The following ADCY8 variants were observed in gnomAD, a reference collection of about 807,000 sequenced individuals.
ADCY8 encodes the protein adenylate cyclase type 8.
ADCY8 carries 51 observed loss-of-function variants against 119.7 expected under a neutral mutation model. The observed-to-expected ratio is 0.43, with a 90% CI of 0.34 to 0.54. ADCY8 has a LOEUF of 0.54. Ranked by LOEUF, ADCY8 falls within the 20% of genes least tolerant of loss-of-function variation. ADCY8 has a pLI of 0.03. For synonymous variants in ADCY8, 665 were observed against 651.0 expected (o/e 1.02, Z -0.33); for missense variants, 1,383 against 1,598.8 (o/e 0.87, Z 2.30).
chr8:130,835,381 G>C (rs958589015), intron 12 of ADCY8, among the ~76,000 whole-genome samples: 4 of 152,184 alleles, frequency 2.6e-5, no homozygotes, highest in Non-Finnish European at 5.9e-5. Flanking sequence ...CCTGCCCAGA[G>C]GCATTTCAAA....
At chr8:130,974,087 T>G (rs1822001277) in intron 2 of ADCY8, among the ~76,000 whole-genome samples, 1 of 152,254 alleles carries the variant, frequency 6.6e-6, no homozygotes, top group Non-Finnish European at 1.5e-5. Flanking sequence ...TCTCTCTGTC[T>G]GTAGAGTAGA....
intron 2 of ADCY8, among the ~76,000 whole-genome samples, chr8:130,965,769 C>T (rs186467424): frequency 6.6e-6 from 1 of 152,102 alleles, no homozygotes; most frequent in African/African-American, 2.4e-5. Flanking sequence ...ATAAATTTAT[C>T]ATTTTATGTT....
At chr8:130,844,164 C>T (rs1817228952) in intron 11 of ADCY8, among the ~76,000 whole-genome samples, 1 of 152,116 alleles carries the variant, frequency 6.6e-6, no homozygotes, top group African/African-American at 2.4e-5. Context: ...GGGCGTAATT[C>T]TAAAGTGAGG....
At chr8:131,019,797 T>TC (rs1823595357) in intron 1 of ADCY8, among the ~76,000 whole-genome samples, 1 of 104,910 alleles carries the variant, frequency 9.5e-6, no homozygotes, top group African/African-American at 3.8e-5. Context: ...ATGGAACAAA[T>TC]TCTCTCTCTC....
At chr8:130,820,819 AG>A in intron 13 of ADCY8, among the ~76,000 whole-genome samples, 1 of 152,364 alleles carries the variant, frequency 6.6e-6, no homozygotes, top group African/African-American at 2.4e-5. Context: ...AATGCAAGTC[AG>A]TGCACAAAAT....
At chr8:130,918,642 A>T (rs1820202619) in intron 5 of ADCY8, among the ~76,000 whole-genome samples, 1 of 152,236 alleles carries the variant, frequency 6.6e-6, no homozygotes, top group African/African-American at 2.4e-5. Context: ...TCAACTTAGA[A>T]CTGTTTGAGG....
At chr8:130,906,178 T>C (rs1250717303) in intron 6 of ADCY8, among the ~76,000 whole-genome samples, 2 of 152,238 alleles carry the variant, frequency 1.3e-5, no homozygotes, top group Non-Finnish European at 2.9e-5. Flanking sequence ...ATTTTGTTAA[T>C]ACATATGAAC....
chr8:131,035,648 G>A (rs549788643), intron 1 of ADCY8, among the ~76,000 whole-genome samples: 10 of 152,222 alleles, frequency 6.6e-5, no homozygotes, highest in South Asian at 2.1e-4. Flanking sequence ...GGTAGAAAGA[G>A]GGAAAGCAGA....
intron 4 of ADCY8, among the ~76,000 whole-genome samples, chr8:130,942,899 T>A (rs1159855778): frequency 6.6e-6 from 1 of 152,092 alleles, no homozygotes; most frequent in Non-Finnish European, 1.5e-5. Context: ...AGCTCTTAAG[T>A]TAGGTTGATC....
chr8:130,790,234 A>G (rs1815383295), intron 15 of ADCY8, among the ~76,000 whole-genome samples: 1 of 152,196 alleles, frequency 6.6e-6, no homozygotes, highest in Non-Finnish European at 1.5e-5. Flanking sequence ...AGCACTGAAT[A>G]AGCCATGGCA....
At position 130,800,348 on chromosome 8, in the gene ADCY8, T is replaced by A; in HGVS notation, c.3060+78A>T. On this transcript the variant is annotated intron_variant, in intron 15 of 17. Coordinates refer to ENST00000286355, the MANE Select transcript of ADCY8 (RefSeq NM_001115.3). ...GTTAAGTGCAAAAAAAAAAAATAAG[T>A]AATTCCTACAATGAATAACACAACG... 2.4e-5 allele frequency: 35 copies of A among 1,430,424 alleles called. No homozygotes were observed. The Middle Eastern group carries it at 5.9e-4, about 24-fold the overall frequency. The allele number at this position is 1,430,424 out of a possible 1,614,324, so 88.6% of individuals were successfully genotyped here. A position where few individuals can be genotyped will look rare whatever the true frequency, so the allele number is the denominator to read the frequency against.
chr8:131,032,564 G>C (rs909475847), intron 1 of ADCY8, among the ~76,000 whole-genome samples: 1 of 151,962 alleles, frequency 6.6e-6, no homozygotes, highest in African/African-American at 2.4e-5. Flanking sequence ...CTGGTAGGTG[G>C]CTTTTATGCC....
intron 2 of ADCY8, among the ~76,000 whole-genome samples, chr8:130,964,425 G>C (rs1293530357): frequency 6.6e-6 from 1 of 152,178 alleles, no homozygotes; most frequent in Non-Finnish European, 1.5e-5. Context: ...TCATCTGTTA[G>C]TGTATTTATG....
chr8:130,838,005 A>G (rs948135933), intron 11 of ADCY8, among the ~76,000 whole-genome samples: 2 of 152,234 alleles, frequency 1.3e-5, no homozygotes, highest in African/African-American at 4.8e-5. Context: ...CTTGTTATAC[A>G]TGGCTGTTTG....
At chr8:130,968,711 T>C (rs1821837986) in intron 2 of ADCY8, among the ~76,000 whole-genome samples, 1 of 152,214 alleles carries the variant, frequency 6.6e-6, no homozygotes, top group South Asian at 2.1e-4. Flanking sequence ...TAGTCTGATA[T>C]AGCAACAATT....
At chr8:130,885,170 C>T (rs139139752) in intron 7 of ADCY8, among the ~76,000 whole-genome samples, 1,991 of 151,604 alleles carry the variant, frequency 0.013, 20 homozygotes, top group Non-Finnish European at 0.022. Flanking sequence ...TCCACATTTT[C>T]GTGTGACCTT....
intron 2 of ADCY8, among the ~76,000 whole-genome samples, chr8:130,975,133 G>A (rs1464467871): frequency 2.0e-5 from 3 of 152,198 alleles, no homozygotes; most frequent in African/African-American, 7.2e-5. Context: ...TTAATCGTGG[G>A]AGAGGTGAGA....
intron 1 of ADCY8, among the ~76,000 whole-genome samples, chr8:131,004,700 G>A (rs1340860122): frequency 6.6e-6 from 1 of 152,186 alleles, no homozygotes; most frequent in African/African-American, 2.4e-5. Context: ...TTATACGTAT[G>A]TGGACCAAAC....
At chr8:130,978,514 A>G (rs913063720) in intron 2 of ADCY8, among the ~76,000 whole-genome samples, 14 of 152,208 alleles carry the variant, frequency 9.2e-5, no homozygotes, top group African/African-American at 3.4e-4. Context: ...TCCTTAAGTT[A>G]ATTATTACTT....
Sources: gnomAD v4.1 joint callset for allele counts (sites outside exome capture counted in the v4.1 genomes callset) on GRCh38, gnomAD v4.1.1 for gene constraint, MANE v1.5 for transcripts, NCBI Gene and HGNC (gene_info 2026-07-23, HGNC 2026-07-21) for gene names.